The following NPEPPS variants were observed in gnomAD, a reference collection of about 807,000 sequenced individuals.
The protein encoded by NPEPPS is aminopeptidase puromycin sensitive, also known as puromycin-sensitive aminopeptidase.
Under a neutral mutation model 115.5 loss-of-function variants are expected in NPEPPS, and 14 were observed. The ratio of observed to expected loss-of-function variants is 0.12; its 90% CI spans 0.08 to 0.19. The LOEUF is 0.19. NPEPPS is among the 10% of genes least tolerant of loss of function. The pLI is 1.00. For synonymous variants in NPEPPS, 285 were observed against 390.6 expected (o/e 0.73, Z 3.19); for missense variants, 523 against 1,110.8 (o/e 0.47, Z 7.52).
intron 12 of NPEPPS, among the ~76,000 whole-genome samples, chr17:47,594,374 A>G (rs1404798809): frequency 6.6e-6 from 1 of 151,296 alleles, no homozygotes; most frequent in Non-Finnish European, 1.5e-5. Context: ...TTTTAAATTT[A>G]CTTTTTAATT....
At chr17:47,595,545 A>C (rs1040372039) in intron 12 of NPEPPS, among the ~76,000 whole-genome samples, 1 of 152,178 alleles carries the variant, frequency 6.6e-6, no homozygotes, top group Non-Finnish European at 1.5e-5. Flanking sequence ...ATATCTCAGA[A>C]TAAAAGACCA....
intron 4 of NPEPPS, chr17:47,579,930 C>CGTGTGTGTGTGTGTGTGTGTGT (rs10591746): frequency 6.8e-6 from 1 of 146,258 alleles, no homozygotes; most frequent in African/African-American, 2.7e-5. Flanking sequence ...TTTTTTTCTC[C>CGTGTGTGTGTGTGTGTGTGTGT]GTGTGTGTGT....
At position 47,622,425 on chromosome 17, in the gene NPEPPS, CTTTT is replaced by C. The variant is rs57585141; in HGVS notation, c.*515_*518del. 2 of 148,070 alleles carry C rather than the reference CTTTT, an allele frequency of 1.4e-5. No individual in the cohort carries two copies. Among genetic ancestry groups the C allele is most frequent in the Non-Finnish European group, 2.9e-5 (2 of 69,442 alleles). The allele number at this position is 148,070 out of a possible 1,614,324, so 9.2% of individuals were successfully genotyped here. On this transcript the variant is annotated 3_prime_UTR_variant, in exon 23 of 23. Transcript: ENST00000322157. ...GGAGTCAGTGCATAATTCCAAGTGG[CTTTT>C]TTTTTTTTTGGCACGGGGACTGATC... is the stretch of plus-strand genomic sequence containing the variant.
chr17:47,569,311 A>G, intron 2 of NPEPPS, 106 bp from the exon 3 acceptor site: 2 of 673,234 alleles, frequency 3.0e-6, no homozygotes, highest in South Asian at 3.8e-5. Flanking sequence ...CACCAAATTA[A>G]GAATATTTTG....
chr17:47,539,160 C>G (rs146700452), intron 1 of NPEPPS, among the ~76,000 whole-genome samples: 1 of 106,768 alleles, frequency 9.4e-6, no homozygotes, highest in Non-Finnish European at 2.1e-5. Context: ...AACTGATACT[C>G]TGATACAACC....
chr17:47,544,583 G>A (rs1909055321), intron 1 of NPEPPS, among the ~76,000 whole-genome samples: 1 of 150,810 alleles, frequency 6.6e-6, no homozygotes, highest in Non-Finnish European at 1.5e-5. Context: ...TACCAGGCTG[G>A]AGTGTAGTGG....
chr17:47,619,152 C>T lies in NPEPPS; in HGVS notation c.2547C>T (p.Ser849=). Residue 849 remains serine, a synonymous_variant, in exon 21 of 23, where the codon TCC becomes TCT. Transcript: ENST00000322157. Reference sequence around the variant, plus strand: ...GATACCAGGGAGGATTCTTAATATCCAGACTAATAAAGGTATGTGAAAAAC... The same window carrying T: ...GATACCAGGGAGGATTCTTAATATCTAGACTAATAAAGGTATGTGAAAAAC... The part of the protein sequence containing the change: ...YNRYQGGFLI[S]RLIKLSVEGF... 5.6e-6 allele frequency: 9 copies of T among 1,612,930 alleles called. No homozygotes were observed. Among genetic ancestry groups the T allele is most frequent in the Non-Finnish European group, 7.6e-6 (9 of 1,179,328 alleles).
At chr17:47,526,155 T>G (rs1444978506), upstream of NPEPPS, among the ~76,000 whole-genome samples, 1 of 152,138 alleles carries the variant, frequency 6.6e-6, no homozygotes, top group African/African-American at 2.4e-5. Flanking sequence ...GAGGTTGCAG[T>G]GAGCTGAGAT....
chr17:47,565,505 C>CAAAA (rs1172238090), intron 2 of NPEPPS, among the ~76,000 whole-genome samples: 4 of 64,498 alleles, frequency 6.2e-5, no homozygotes, highest in East Asian at 4.4e-4. Context: ...GACTCCATCT[C>CAAAA]AAAAAAAAAA....
chr17:47,533,993 A>G lies in NPEPPS; in HGVS notation c.255+2438A>G, dbSNP rs181975258. Among the ~76,000 whole-genome samples the G allele has an allele frequency of 3.0e-3, 456 of 152,362 alleles. 5 individuals carry two copies. Among genetic ancestry groups the G allele is most frequent in the African/African-American group, 0.011 (437 of 41,586 alleles). Reference sequence around the variant, plus strand: ...AGAGGAATTAACATTGGTAAGAAGTAAAAAGCATATATTAATGTTTTTGAA... The same window carrying G: ...AGAGGAATTAACATTGGTAAGAAGTGAAAAGCATATATTAATGTTTTTGAA... On this transcript the variant is annotated intron_variant, in intron 1 of 22. Coordinates refer to ENST00000322157, the MANE Select transcript of NPEPPS (RefSeq NM_006310.4).
chr17:47,524,789 C>T (rs1321524229), intron 1 of NPEPPS, among the ~76,000 whole-genome samples: 1 of 151,386 alleles, frequency 6.6e-6, no homozygotes, highest in East Asian at 1.9e-4. Flanking sequence ...CAGGCGTGAG[C>T]CACCGTGCCC....
At chr17:47,612,424 T>A in intron 17 of NPEPPS, 36 bp from the exon 18 acceptor site, 1 of 1,602,872 alleles carries the variant, frequency 6.2e-7, no homozygotes, top group Non-Finnish European at 8.5e-7. Context: ...ATAGGCTTTT[T>A]AAGTAGTCTT....
At chr17:47,592,158 A>C (rs3865314) in intron 11 of NPEPPS, 98 bp downstream of exon 11, 315,058 of 645,592 alleles carry the variant, frequency 0.49, 78,485 homozygotes, top group Middle Eastern at 0.55. Context: ...GTTCCCAAAT[A>C]GTTTCTGGCT....
intron 15 of NPEPPS, chr17:47,602,099 A>G: frequency 4.4e-6 from 1 of 228,848 alleles, no homozygotes; most frequent in South Asian, 5.8e-5. Context: ...CCATATGTGT[A>G]CTACTGTAAT....
chr17:47,557,575 C>A (rs1248167689), intron 2 of NPEPPS: 1 of 148,588 alleles, frequency 6.7e-6, no homozygotes, highest in East Asian at 2.0e-4. Flanking sequence ...ACTTTTTAGT[C>A]CTTCTTTCTA....
At chr17:47,611,165 AGAGACAG>A (rs1362061720) in intron 17 of NPEPPS, among the ~76,000 whole-genome samples, 1 of 151,630 alleles carries the variant, frequency 6.6e-6, no homozygotes, top group East Asian at 2.0e-4. Flanking sequence ...TGTTTTTTTA[AGAGACAG>A]GGTCGGCTGG....
intron 2 of NPEPPS, among the ~76,000 whole-genome samples, chr17:47,562,733 G>A (rs1597839721): frequency 6.7e-6 from 1 of 149,062 alleles, no homozygotes; most frequent in Admixed American, 6.7e-5. Context: ...CTGCTAAATC[G>A]TCCTAGTGAA....
At chr17:47,547,346 T>C (rs1307869001) in intron 2 of NPEPPS, among the ~76,000 whole-genome samples, 1 of 151,958 alleles carries the variant, frequency 6.6e-6, no homozygotes, top group Non-Finnish European at 1.5e-5. Context: ...GCTGGATTGC[T>C]TTTTACTTTT....
rs1299715722 is a variant in NPEPPS, at chr17:47,612,553, A to G, written c.2189A>G (p.Lys730Arg). 1 of 1,614,008 alleles carries G rather than the reference A, an allele frequency of 6.2e-7. No individual in the cohort carries two copies. The highest frequency in any genetic ancestry group is 8.5e-7 in the Non-Finnish European group (1 of 1,179,896). ...ATLEEARRRF[K>R]DHVEGKQILS... ...TTAGAAGAAGCCCGTCGTCGGTTTAAGGACCACGTGGAAGGAAAACAGATT... is the reference window on the plus strand; with the variant it reads ...TTAGAAGAAGCCCGTCGTCGGTTTAGGGACCACGTGGAAGGAAAACAGATT... The change falls in exon 18 of 23, where the codon AAG becomes AGG. Residue 730 changes from lysine (K) to arginine (R), a missense_variant. This residue lies in a region of NPEPPS where 372 missense variants were observed against 542.6 expected (regional missense o/e 0.69). Coordinates refer to ENST00000322157, the MANE Select transcript of NPEPPS (RefSeq NM_006310.4).
Sources: allele counts gnomAD v4.1 joint callset (sites outside exome capture counted in the v4.1 genomes callset), GRCh38; gene constraint gnomAD v4.1.1; regional missense constraint gnomAD v4.1.1; transcripts MANE v1.5; gene names NCBI Gene and HGNC (gene_info 2026-07-23, HGNC 2026-07-21).